Variants in BRDT observed in about 807,000 individuals in gnomAD.
BRDT encodes bromodomain testis-specific protein.
BRDT carries 77 observed loss-of-function variants against 113.9 expected under a neutral mutation model. That is an observed-to-expected ratio of 0.68 (90% CI 0.56 to 0.82). The LOEUF (loss-of-function observed/expected upper bound fraction) is 0.82, where lower values mean the gene tolerates loss of function less well. Ranked by LOEUF, BRDT falls within the 40% of genes least tolerant of loss-of-function variation. BRDT has a pLI of 0.00. For synonymous variants in BRDT, 358 were observed against 366.5 expected (o/e 0.98, Z 0.26); for missense variants, 1,027 against 1,105.4 (o/e 0.93, Z 1.01).
At chr1:91,955,525 T>G (rs1375411132) in intron 1 of BRDT, among the ~76,000 whole-genome samples, 4 of 152,164 alleles carry the variant, frequency 2.6e-5, no homozygotes, top group African/African-American at 9.7e-5. Flanking sequence ...GGCTTCTGTT[T>G]ATTATTAAAA....
chr1:91,956,961 A>G (rs1557798583), intron 1 of BRDT, among the ~76,000 whole-genome samples: 1 of 152,160 alleles, frequency 6.6e-6, no homozygotes. Context: ...AAAAATAGAA[A>G]TAAAATCTTG....
chr1:91,981,117 A>G lies in BRDT; in HGVS notation c.1689A>G (p.Thr563=), dbSNP rs372543134. 3.1e-6 allele frequency: 5 copies of G among 1,613,460 alleles called. No homozygotes were observed. The African/African-American group carries it at 5.3e-5, about 17-fold the overall frequency. ...ACTTTGAAACACTGAAAGCATCAACACTAAGAGAATTAGAAAAATATGTTT... is the reference window on the plus strand; with the variant it reads ...ACTTTGAAACACTGAAAGCATCAACGCTAAGAGAATTAGAAAAATATGTTT... ...EIDFETLKAS[T]LRELEKYVSA... Residue 563 remains threonine (T), a synonymous_variant, in exon 10 of 19, where the codon ACA becomes ACG. Coordinates refer to ENST00000399546, the MANE Select transcript of BRDT (RefSeq NM_207189.4).
At chr1:91,976,913 AAT>A (rs1163525027) in intron 5 of BRDT, 128 bp from the exon 6 acceptor site, 1 of 699,952 alleles carries the variant, frequency 1.4e-6, no homozygotes, top group African/African-American at 1.8e-5. Context: ...GATTGACAAC[AAT>A]ATGTGTAAAT....
At chr1:92,005,042 T>A in intron 17 of BRDT, 77 bp from the exon 18 acceptor site, 2 of 1,158,394 alleles carry the variant, frequency 1.7e-6, no homozygotes, top group Non-Finnish European at 2.3e-6. Flanking sequence ...TGGCTTTATA[T>A]TTGTCATTTA....
chr1:91,985,599 A>T (rs1209927932), intron 12 of BRDT, among the ~76,000 whole-genome samples: 1 of 146,874 alleles, frequency 6.8e-6, no homozygotes, highest in Non-Finnish European at 1.5e-5. Flanking sequence ...TCAGTCTTTT[A>T]TAATGTTTGT....
At chr1:91,989,925 C>T (rs977080357) in intron 12 of BRDT, among the ~76,000 whole-genome samples, 5 of 152,278 alleles carry the variant, frequency 3.3e-5, no homozygotes, top group Admixed American at 6.5e-5. Flanking sequence ...AAACTGATGG[C>T]TTTTCAGAAG....
In BRDT at chr1:91,977,110, G is replaced by A. The variant is rs1409108856; in HGVS notation, c.686G>A (p.Ser229Asn). The A allele has an allele frequency of 6.2e-7, 1 of 1,613,544 alleles. No homozygotes were observed. The highest frequency in any genetic ancestry group is 8.5e-7 in the Non-Finnish European group (1 of 1,179,886). ...GCAACTTCAGCAGTTAAAGCAAGTA[G>A]TGAATTTTCTCCAACATTCACAGAA... ...TPATSAVKAS[S>N]EFSPTFTEKS... Residue 229 changes from serine to asparagine, a missense_variant, in exon 6 of 19, where the codon AGT (serine) becomes AAT (asparagine). Coordinates refer to ENST00000399546, the MANE Select transcript of BRDT (RefSeq NM_207189.4).
At chr1:91,973,813 A>G (rs1003338460) in intron 4 of BRDT, among the ~76,000 whole-genome samples, 1 of 152,236 alleles carries the variant, frequency 6.6e-6, no homozygotes, top group Non-Finnish European at 1.5e-5. Flanking sequence ...TTCCAACACT[A>G]TGTTGAATAG....
intron 8 of BRDT, 67 bp from the exon 9 acceptor site, chr1:91,980,576 G>A (rs914661930): frequency 8.0e-7 from 1 of 1,254,804 alleles, no homozygotes; most frequent in African/African-American, 1.6e-5. Context: ...GGAGTGGCTT[G>A]ATTTTTTTCT....
chr1:91,954,360 G>A (rs1681492870), intron 1 of BRDT, among the ~76,000 whole-genome samples: 1 of 141,042 alleles, frequency 7.1e-6, no homozygotes, highest in Non-Finnish European at 1.5e-5. Flanking sequence ...GCTCACTGCA[G>A]CCTCGACTTC....
At chr1:91,992,370 T>G (rs1198239312) in intron 14 of BRDT, 56 bp downstream of exon 14, 2 of 1,187,096 alleles carry the variant, frequency 1.7e-6, no homozygotes, top group Non-Finnish European at 2.3e-6. Flanking sequence ...ACATATAGAT[T>G]AGGGGCTTAC....
chr1:91,957,492 CA>C (rs34516666), intron 1 of BRDT: 104,394 of 148,364 alleles, frequency 0.7, 37,671 homozygotes, highest in Middle Eastern at 0.81. Flanking sequence ...GACTCCATCT[CA>C]AAAAAAAAAA....
At chr1:91,996,961 A>G (rs778032860) in intron 15 of BRDT, among the ~76,000 whole-genome samples, 4 of 152,206 alleles carry the variant, frequency 2.6e-5, no homozygotes, top group Non-Finnish European at 5.9e-5. Context: ...AAATGAAAAC[A>G]CCCAGGAAAA....
At chr1:91,993,809 A>G (rs1686019649) in intron 14 of BRDT, among the ~76,000 whole-genome samples, 1 of 152,204 alleles carries the variant, frequency 6.6e-6, no homozygotes, top group African/African-American at 2.4e-5. Context: ...CTCATGTAAA[A>G]TATACATGCA....
At chr1:91,987,971 T>TC (rs1685414136) in intron 12 of BRDT, among the ~76,000 whole-genome samples, 1 of 152,092 alleles carries the variant, frequency 6.6e-6, no homozygotes, top group Non-Finnish European at 1.5e-5. Flanking sequence ...TGCCTCAGCC[T>TC]CCTAAGTAGC....
rs200845876 is a variant in BRDT, at chr1:91,964,720, G to A, written c.286G>A (p.Glu96Lys). Residue 96 changes from glutamate to lysine, a missense_variant, in exon 3 of 19, where the codon GAA becomes AAA. Coordinates refer to ENST00000399546, the MANE Select transcript of BRDT (RefSeq NM_207189.4). The stretch of plus-strand genomic sequence containing the variant: ...TTATGCGAAGGCTTCAGAATGTATA[G>A]AAGACTTCAATACAATGTTCTCAAA... Reference protein sequence around the residue: ...KYYAKASECIEDFNTMFSNCY... With the variant: ...KYYAKASECIKDFNTMFSNCY... 1.3e-6 allele frequency: 2 copies of A among 1,515,874 alleles called. No individual in the cohort carries two copies. The highest frequency in any genetic ancestry group is 4.6e-5 in the East Asian group (2 of 43,762). The allele number at this position is 1,515,874 out of a possible 1,614,324, so 93.9% of individuals were successfully genotyped here. A position where few individuals can be genotyped will look rare whatever the true frequency, so the allele number is the denominator to read the frequency against.
At chr1:91,971,234 C>T (rs1050441063) in intron 4 of BRDT, among the ~76,000 whole-genome samples, 2 of 152,084 alleles carry the variant, frequency 1.3e-5, no homozygotes, top group Admixed American at 1.3e-4. Flanking sequence ...GACCCAAACA[C>T]CTCCCACACC....
rs1376884151 is a variant in BRDT, at chr1:91,994,166, T to G, written c.2199T>G (p.Asn733Lys). Residue 733 changes from asparagine (N) to lysine (K), a missense_variant, in exon 15 of 19, where the codon AAT becomes AAG. Asn to Lys is a moderately conservative substitution (Grantham distance 94). Transcript: ENST00000399546. ...CACCTTCACATGTAATGCCACCAAA[T>G]CACCACCAATTAGCATTTAATTATC... ...QTTPSHVMPP[N>K]HHQLAFNYQE... 1.9e-6 allele frequency: 3 copies of G among 1,613,432 alleles called. No homozygotes were observed. In the Admixed American group the frequency reaches 5.0e-5, roughly 27 times the overall value.
chr1:91,952,678 T>C (rs773214611), intron 1 of BRDT, among the ~76,000 whole-genome samples: 3 of 150,314 alleles, frequency 2.0e-5, no homozygotes, highest in Non-Finnish European at 4.4e-5. Context: ...CAACGGTTCA[T>C]GCCTGTGATC....
Sources: allele counts gnomAD v4.1 joint callset (sites outside exome capture counted in the v4.1 genomes callset), GRCh38; gene constraint gnomAD v4.1.1; transcripts MANE v1.5; gene names NCBI Gene and HGNC (gene_info 2026-07-23, HGNC 2026-07-21).